LRRC9: variants seen among roughly 807,000 people sequenced by gnomAD.
LRRC9 encodes the protein leucine rich repeat containing 9.
A neutral mutation model predicts 63.2 loss-of-function variants in LRRC9; 122 were observed. That is an observed-to-expected ratio of 1.93 (90% CI 1.67 to 2.24). LRRC9 has a LOEUF of 2.24. Ranked by LOEUF, LRRC9 falls within the 30% of genes most tolerant of loss-of-function variation. The pLI is 0.00. For missense variants in LRRC9, 1,071 were observed against 627.7 expected (o/e 1.71, Z -7.55); for synonymous variants, 366 against 213.1 (o/e 1.72, Z -6.25).
At chr14:60,009,976 T>C (rs919309632) in intron 23 of LRRC9, among the ~76,000 whole-genome samples, 3 of 152,218 alleles carry the variant, frequency 2.0e-5, no homozygotes, top group Admixed American at 6.5e-5. Flanking sequence ...TCCACTCCTG[T>C]GGCTTTGCTG....
exon 14 of LRRC9, chr14:59,977,228 T>C: frequency 1.5e-6 from 1 of 670,278 alleles, no homozygotes; most frequent in South Asian, 1.6e-5. Flanking sequence ...TATTTAGGCA[T>C]CCTCCTCATT....
intron 8 of LRRC9, among the ~76,000 whole-genome samples, chr14:59,946,789 G>A (rs1402976156): frequency 6.8e-6 from 1 of 146,874 alleles, no homozygotes; most frequent in South Asian, 2.3e-4. Flanking sequence ...AGTTTACTGA[G>A]AATGATGGTT....
intron 6 of LRRC9, among the ~76,000 whole-genome samples, chr14:59,934,515 T>C (rs903475315): frequency 5.9e-5 from 9 of 152,080 alleles, no homozygotes; most frequent in Non-Finnish European, 8.8e-5. Flanking sequence ...TGGCAAATTG[T>C]CTCTACCAAC....
chr14:60,059,146 C>G (rs577100640), intron 31 of LRRC9: 1 of 152,182 alleles, frequency 6.6e-6, no homozygotes, highest in South Asian at 2.1e-4. Context: ...TATTGCATTT[C>G]ACTTTATTGC....
intron 16 of LRRC9, among the ~76,000 whole-genome samples, chr14:59,983,553 T>C (rs1447224544): frequency 6.6e-6 from 1 of 152,136 alleles, no homozygotes; most frequent in Non-Finnish European, 1.5e-5. Flanking sequence ...ATGAGAAATT[T>C]AGTTGTTTAC....
chr14:59,955,220 A>T (rs866186896), intron 8 of LRRC9, among the ~76,000 whole-genome samples: 32 of 152,290 alleles, frequency 2.1e-4, no homozygotes, highest in Middle Eastern at 3.4e-3. Flanking sequence ...AAGGAATGGT[A>T]CCAGTTCCTC....
intron 12 of LRRC9, among the ~76,000 whole-genome samples, chr14:59,970,195 A>T (rs887163066): frequency 7.3e-6 from 1 of 137,852 alleles, no homozygotes; most frequent in Admixed American, 8.6e-5. Context: ...GCTCCCACTT[A>T]TTAGTGAGAA....
chr14:59,973,379 A>T (rs1040888775), intron 12 of LRRC9: 4 of 152,076 alleles, frequency 2.6e-5, no homozygotes, highest in African/African-American at 9.7e-5. Flanking sequence ...ATGGATATTT[A>T]GTGATGTTCA....
At chr14:60,048,483 A>G (rs1365113548) in intron 29 of LRRC9, among the ~76,000 whole-genome samples, 1 of 152,190 alleles carries the variant, frequency 6.6e-6, no homozygotes, top group Admixed American at 6.5e-5. Context: ...ACAAAAATAC[A>G]AACAACCATC....
At chr14:59,982,099 T>C (rs1886993274) in intron 16 of LRRC9, 39 bp downstream of exon 16, 1 of 665,326 alleles carries the variant, frequency 1.5e-6, no homozygotes. Context: ...GACAGGAATC[T>C]TGAATTTGGA....
intron 8 of LRRC9, among the ~76,000 whole-genome samples, chr14:59,946,349 A>G (rs1250444293): frequency 1.3e-5 from 2 of 151,258 alleles, no homozygotes; most frequent in East Asian, 1.9e-4. Flanking sequence ...AAAAATCACA[A>G]GAGATCAATA....
chr14:59,982,089 G>C (rs1280670499), intron 16 of LRRC9, 29 bp downstream of exon 16: 2 of 668,618 alleles, frequency 3.0e-6, no homozygotes, highest in Admixed American at 2.4e-5. Flanking sequence ...ACAGCTTTGA[G>C]ACAGGAATCT....
intron 1 of LRRC9, 82 bp from the exon 1 acceptor site, chr14:59,920,062 C>G (rs1888636422): frequency 6.6e-6 from 1 of 152,242 alleles, no homozygotes; most frequent in African/African-American, 2.4e-5. Context: ...CCTTTTATCC[C>G]CCTCCCCGCC....
chr14:59,926,858 G>A (rs1438531075), intron 1 of LRRC9, among the ~76,000 whole-genome samples: 2 of 152,080 alleles, frequency 1.3e-5, no homozygotes, highest in African/African-American at 4.8e-5. Flanking sequence ...ATGACAAAAT[G>A]TTCAGAGAAG....
chr14:60,003,114 ATAT>A lies in LRRC9; in HGVS notation c.2665-505_2665-503del, dbSNP rs1889524063. Among the ~76,000 whole-genome samples, 1 of 152,236 alleles carries A rather than the reference ATAT, an allele frequency of 6.6e-6. No homozygotes were observed. Among genetic ancestry groups the A allele is most frequent in the African/African-American group, 2.4e-5 (1 of 41,464 alleles). On this transcript the variant is annotated intron_variant, in intron 20 of 31. Coordinates refer to ENST00000445360, the Ensembl canonical transcript of LRRC9. This position sits in a 1 kb window ranked among gnomAD's most constrained non-coding sequence, Gnocchi z 4.2. ...TACTTTTATTACAAGATATATATAG[ATAT>A]TGAGCTGCAAATGAAGGCCCAGTGA...
At chr14:59,981,876 T>C (rs1449204372) in exon 16 of LRRC9, 4 of 700,334 alleles carry the variant, frequency 5.7e-6, no homozygotes, top group Non-Finnish European at 1.0e-5. Flanking sequence ...TTTTCTGTAT[T>C]CAACAATGTT....
intron 7 of LRRC9, among the ~76,000 whole-genome samples, chr14:59,939,810 A>G (rs1881566457): frequency 6.6e-6 from 1 of 152,026 alleles, no homozygotes; most frequent in Non-Finnish European, 1.5e-5. Context: ...TTAGGCATGT[A>G]AAGTTTGAAC....
rs1328456556 is a variant in LRRC9 at position 59,923,681 on chromosome 14, C to CA, written c.-34+3799dup. 6.6e-6 allele frequency among the ~76,000 whole-genome samples: 1 copy of CA among 152,224 alleles called. No homozygotes were observed. Among genetic ancestry groups the CA allele is most frequent in the Non-Finnish European group, 1.5e-5 (1 of 68,036 alleles). ...GCGAGGTGGCTCACGCCTGTAGGCT[C>CA]ACGCCTCCCAGCACTCTGGGAAGCT... On this transcript the variant is annotated intron_variant, in intron 1 of 31. Transcript: ENST00000445360. The surrounding 1 kb of genome is among the most constrained non-coding windows in gnomAD (Gnocchi z 4.2).
At chr14:60,010,473 C>T (rs1448197419) in intron 23 of LRRC9, among the ~76,000 whole-genome samples, 4 of 152,034 alleles carry the variant, frequency 2.6e-5, no homozygotes, top group African/African-American at 4.8e-5. Context: ...CCGTTTTTCC[C>T]TCCTAGGCCT....
Sources: allele counts gnomAD v4.1 joint callset (sites outside exome capture counted in the v4.1 genomes callset), GRCh38; gene constraint gnomAD v4.1.1; non-coding constraint Gnocchi (gnomAD v3.1); transcripts MANE v1.5; gene names NCBI Gene and HGNC (gene_info 2026-07-23, HGNC 2026-07-21).